TAFA1: variants seen among roughly 807,000 people sequenced by gnomAD.
TAFA1 encodes the protein chemokine-like protein TAFA-1.
TAFA1 carries 4 observed loss-of-function variants against 18.5 expected under a neutral mutation model. That is an observed-to-expected ratio of 0.22 (90% CI 0.11 to 0.49). The LOEUF is 0.49. Among genes scored for constraint, TAFA1 ranks in the 20% least tolerant of loss-of-function variants. The pLI, the probability that TAFA1 is intolerant of heterozygous loss-of-function variation, is 0.98. For missense variants in TAFA1, 147 were observed against 169.0 expected (o/e 0.87, Z 0.72); for synonymous variants, 56 against 55.2 (o/e 1.01, Z -0.06).
chr3:68,429,293 C>CT (rs1466458763), intron 3 of TAFA1, among the ~76,000 whole-genome samples: 1 of 151,912 alleles, frequency 6.6e-6, no homozygotes, highest in Non-Finnish European at 1.5e-5. Flanking sequence ...TTACTGAGTT[C>CT]TTACTGTGTG....
At chr3:68,499,097 A>AT (rs1433627124) in intron 3 of TAFA1, among the ~76,000 whole-genome samples, 1 of 151,928 alleles carries the variant, frequency 6.6e-6, no homozygotes, top group Non-Finnish European at 1.5e-5. Flanking sequence ...AAGAGATACG[A>AT]TTTTTCCTTA....
At chr3:68,469,811 C>T (rs543290573) in intron 3 of TAFA1, among the ~76,000 whole-genome samples, 1 of 152,172 alleles carries the variant, frequency 6.6e-6, no homozygotes, top group Non-Finnish European at 1.5e-5. Context: ...AATTACACAA[C>T]CTTGTACCAG....
At chr3:68,121,081 C>G (rs2065392435) in intron 2 of TAFA1, among the ~76,000 whole-genome samples, 1 of 151,460 alleles carries the variant, frequency 6.6e-6, no homozygotes, top group Non-Finnish European at 1.5e-5. Flanking sequence ...ACTGAGTCAT[C>G]AGTATTGGGA....
chr3:68,053,299 C>T (rs1193851744), intron 2 of TAFA1, among the ~76,000 whole-genome samples: 1 of 152,020 alleles, frequency 6.6e-6, no homozygotes, highest in Non-Finnish European at 1.5e-5. Flanking sequence ...AGGAGAACTC[C>T]CCTGATGATT....
intron 2 of TAFA1, among the ~76,000 whole-genome samples, chr3:68,153,831 G>A (rs149816069): frequency 2.6e-5 from 4 of 152,106 alleles, no homozygotes; most frequent in African/African-American, 7.2e-5. Flanking sequence ...TATTGCCTAC[G>A]TGTTGCTTAG....
At chr3:68,482,750 A>T (rs1225358335) in intron 3 of TAFA1, among the ~76,000 whole-genome samples, 1 of 152,230 alleles carries the variant, frequency 6.6e-6, no homozygotes, top group East Asian at 1.9e-4. Context: ...ACATTCTTGT[A>T]GCCAGGGTGA....
chr3:67,996,359 T>G, the TAFA1 span, among the ~76,000 whole-genome samples: 1 of 152,236 alleles, frequency 6.6e-6, no homozygotes, highest in Non-Finnish European at 1.5e-5. Context: ...GGGAAATAAT[T>G]ACATATTTTC....
rs1031913819 is a variant in TAFA1, at chr3:68,145,227, G to A, written c.118+138483G>A. On this transcript the variant is annotated intron_variant, in intron 2 of 4. Coordinates refer to ENST00000478136, the MANE Select transcript of TAFA1 (RefSeq NM_213609.4). Reference sequence around the variant, plus strand: ...GCAAATTCTGAACTTGGGGGAATTTGGTCAGTAGGACGAAGAGTCTGGCAG... The same window carrying A: ...GCAAATTCTGAACTTGGGGGAATTTAGTCAGTAGGACGAAGAGTCTGGCAG... 3 of 791,352 alleles carry A rather than the reference G, an allele frequency of 3.8e-6. No individual in the cohort carries two copies. The Admixed American group carries it at 5.1e-5, about 13-fold the overall frequency. The allele number at this position is 791,352 out of a possible 1,614,324, so 49.0% of individuals were successfully genotyped here.
At chr3:68,361,524 A>G (rs1048935482) in intron 2 of TAFA1, among the ~76,000 whole-genome samples, 1 of 152,064 alleles carries the variant, frequency 6.6e-6, no homozygotes, top group African/African-American at 2.4e-5. Flanking sequence ...GATGGTAAAT[A>G]CTCAAAGTAA....
At chr3:68,115,464 G>C (rs1042906221) in intron 2 of TAFA1, among the ~76,000 whole-genome samples, 1 of 152,140 alleles carries the variant, frequency 6.6e-6, no homozygotes, top group Non-Finnish European at 1.5e-5. Context: ...TGTAAAAGTA[G>C]AATGCTAGTA....
chr3:68,173,424 A>G lies in TAFA1; in HGVS notation c.118+166680A>G, dbSNP rs529871189. Among the ~76,000 whole-genome samples, 51 of 152,212 alleles carry G rather than the reference A, an allele frequency of 3.4e-4. 1 individual carries two copies. The highest frequency in any genetic ancestry group is 2.1e-3 in the South Asian group (10 of 4,830). ...TGTGAGCTGCCACTCAAGTATTTGC[A>G]AAGTGGCTCTTGAATGATTTGTGTG... On this transcript the variant is annotated intron_variant, in intron 2 of 4. Coordinates refer to ENST00000478136, the MANE Select transcript of TAFA1 (RefSeq NM_213609.4).
intron 2 of TAFA1, among the ~76,000 whole-genome samples, chr3:68,300,760 C>T (rs903479617): frequency 6.6e-5 from 10 of 152,054 alleles, no homozygotes; most frequent in African/African-American, 2.2e-4. Flanking sequence ...CCATGCTGTT[C>T]TTGAGATAGT....
At chr3:68,531,841 G>T (rs1219090811) in intron 3 of TAFA1, among the ~76,000 whole-genome samples, 1 of 152,098 alleles carries the variant, frequency 6.6e-6, no homozygotes, top group African/African-American at 2.4e-5. Context: ...CTCCTGCCCT[G>T]CTCATGTCAA....
chr3:68,185,437 A>G (rs981035206), intron 2 of TAFA1, among the ~76,000 whole-genome samples: 4 of 151,952 alleles, frequency 2.6e-5, no homozygotes, highest in Non-Finnish European at 4.4e-5. Flanking sequence ...AGTCTTTGGT[A>G]TTTTCATAAC....
chr3:68,357,485 T>G (rs894671758), intron 2 of TAFA1, among the ~76,000 whole-genome samples: 2 of 151,966 alleles, frequency 1.3e-5, no homozygotes, highest in Admixed American at 1.3e-4. Flanking sequence ...GGCTGCCGTT[T>G]AATTCCTTAA....
intron 2 of TAFA1, among the ~76,000 whole-genome samples, chr3:68,277,072 G>C (rs980846256): frequency 6.6e-6 from 1 of 152,040 alleles, no homozygotes; most frequent in African/African-American, 2.4e-5. Flanking sequence ...GCCAGGCACT[G>C]TGCTAAGGCT....
In TAFA1 at chr3:68,499,653, G is replaced by A. The variant is rs577720419; in HGVS notation, c.260-39103G>A. On this transcript the variant is annotated intron_variant, in intron 3 of 4. Transcript: ENST00000478136. ...AACCCCACCAAAAACACATTTTAAA[G>A]TTCTAGTAGAACTAAGGTATTATTT... 1.9e-3 allele frequency among the ~76,000 whole-genome samples: 291 copies of A among 151,808 alleles called. 2 individuals carry two copies. Among genetic ancestry groups the A allele is most frequent in the African/African-American group, 6.8e-3 (283 of 41,478 alleles).
intron 2 of TAFA1, among the ~76,000 whole-genome samples, chr3:68,335,054 A>G (rs570627480): frequency 4.5e-4 from 69 of 152,352 alleles, no homozygotes; most frequent in Non-Finnish European, 9.3e-4. Flanking sequence ...GTGATTGTGC[A>G]TGGAGTTTTA....
intron 2 of TAFA1, among the ~76,000 whole-genome samples, chr3:68,327,005 G>A (rs2068786188): frequency 6.6e-6 from 1 of 152,154 alleles, no homozygotes; most frequent in African/African-American, 2.4e-5. Flanking sequence ...GGGACCCAGT[G>A]GGAAGTAATT....
Sources: allele counts gnomAD v4.1 joint callset (sites outside exome capture counted in the v4.1 genomes callset), GRCh38; gene constraint gnomAD v4.1.1; transcripts MANE v1.5; gene names NCBI Gene and HGNC (gene_info 2026-07-23, HGNC 2026-07-21).